POTEC: variants seen among roughly 807,000 people sequenced by gnomAD.
POTEC encodes ANKRD26-like family B member 2.
A neutral mutation model predicts 62.0 loss-of-function variants in POTEC; 35 were observed. That is an observed-to-expected ratio of 0.56 (90% CI 0.43 to 0.75). The LOEUF is 0.75. POTEC is among the 30% of genes least tolerant of loss of function. POTEC has a pLI of 0.00. For synonymous variants in POTEC, 156 were observed against 221.5 expected (o/e 0.70, Z 2.62); for missense variants, 472 against 655.9 (o/e 0.72, Z 3.06).
At chr18:14,542,524 C>T in intron 1 of POTEC, 102 bp downstream of exon 1, 1 of 1,559,848 alleles carries the variant, frequency 6.4e-7, no homozygotes, top group Non-Finnish European at 8.7e-7. Flanking sequence ...GGTGTGGGGC[C>T]TGCGGAGGAA....
At chr18:14,541,952 G>A (rs1336695647) in intron 1 of POTEC, among the ~76,000 whole-genome samples, 3 of 152,214 alleles carry the variant, frequency 2.0e-5, no homozygotes, top group African/African-American at 7.2e-5. Context: ...AATAACACAT[G>A]CACATTTTGA....
chr18:14,538,302 T>C (rs1400207141), intron 1 of POTEC, 53 bp from the exon 2 acceptor site: 16 of 1,532,834 alleles, frequency 1.0e-5, no homozygotes, highest in Non-Finnish European at 1.4e-5. Context: ...TAATGCCACA[T>C]TAATGATTCA....
At chr18:14,526,281 C>T (rs1029628314) in intron 6 of POTEC, among the ~76,000 whole-genome samples, 1 of 152,080 alleles carries the variant, frequency 6.6e-6, no homozygotes, top group Admixed American at 6.6e-5. Flanking sequence ...TAACTCCTTC[C>T]TTGAGGTAGC....
rs1247641377 is a variant in POTEC at position 14,522,275 on chromosome 18, G to A, written c.1388C>T (p.Thr463Ile). The A allele has an allele frequency of 6.3e-7, 1 of 1,576,958 alleles. No individual in the cohort carries two copies. The highest frequency in any genetic ancestry group is 1.4e-5 in the African/African-American group (1 of 72,488). The change falls in exon 9 of 11, where the codon ACT becomes ATT. Residue 463 changes from threonine to isoleucine, a missense_variant. Transcript: ENST00000358970. Reference protein sequence around the residue: ...RKPENQQFPDTENEEYHSDEQ... With the variant: ...RKPENQQFPDIENEEYHSDEQ... ...TTACCTGTGATACTCTTCATTCTCA[G>A]TGTCAGGAAATTGCTGATTTTCAGG...
In POTEC at chr18:14,532,939, A is replaced by G; in HGVS notation, c.1055+122T>C. 5 of 1,586,436 alleles carry G rather than the reference A, an allele frequency of 3.2e-6. 1 individual carries two copies. Among genetic ancestry groups the G allele is most frequent in the Non-Finnish European group, 2.6e-6 (3 of 1,165,646 alleles). On this transcript the variant is annotated intron_variant, in intron 5 of 10. Coordinates refer to ENST00000358970, the MANE Select transcript of POTEC (RefSeq NM_001137671.2). The stretch of plus-strand genomic sequence containing the variant: ...TCTGGCTGATGCAGGGGACTAACTC[A>G]CTGCCAATCTAAAACTACCTGAACC...
chr18:14,517,395 G>A (rs897895396), intron 9 of POTEC, among the ~76,000 whole-genome samples: 3 of 152,094 alleles, frequency 2.0e-5, no homozygotes, highest in Admixed American at 6.6e-5. Context: ...ATACAGCCAC[G>A]CAGCAGTACC....
chr18:14,513,608 T>C (rs1910071140), intron 10 of POTEC, 54 bp downstream of exon 10: 2 of 1,542,802 alleles, frequency 1.3e-6, no homozygotes, highest in Non-Finnish European at 1.7e-6. Flanking sequence ...AAAATAAAGC[T>C]TTTTAAAAAT....
In POTEC at chr18:14,543,183, A is replaced by G. The variant is rs760040357; in HGVS notation, c.-37T>C. ...AGCCCGGGGAGGCCGGTAGTAGCGA[A>G]CAGATCGCGTCTACCAACCAGTTTC... On this transcript the variant is annotated 5_prime_UTR_variant, in exon 1 of 11. Transcript: ENST00000358970. The G allele has an allele frequency of 1.2e-6, 2 of 1,613,084 alleles. No individual in the cohort carries two copies. Among genetic ancestry groups the G allele is most frequent in the Non-Finnish European group, 1.7e-6 (2 of 1,179,454 alleles).
chr18:14,507,723 T>C lies in POTEC; in HGVS notation c.*4175A>G, dbSNP rs1456846771. ...TTTTGTAGTGGCTGGTGGTGGTCTT[T>C]TCTTTCCATATTTAGTGCTTCCTTC... On this transcript the variant is annotated 3_prime_UTR_variant, in exon 11 of 11. Transcript: ENST00000358970. 2 of 152,318 alleles carry C rather than the reference T, an allele frequency of 1.3e-5. No individual in the cohort carries two copies. The highest frequency in any genetic ancestry group is 6.8e-3 in the Middle Eastern group (2 of 294). 9.4% of individuals were successfully genotyped at this position (152,318 alleles called of 1,614,324 possible).
At chr18:14,517,586 G>A (rs1450755688) in intron 9 of POTEC, among the ~76,000 whole-genome samples, 2 of 151,798 alleles carry the variant, frequency 1.3e-5, no homozygotes, top group African/African-American at 4.8e-5. Flanking sequence ...TAGTGGCCAG[G>A]CGCAGTGGCT....
At chr18:14,513,534 T>TAG (rs375774843) in intron 10 of POTEC, 128 bp downstream of exon 10, 1 of 1,260,500 alleles carries the variant, frequency 7.9e-7, no homozygotes, top group African/African-American at 2.0e-5. Context: ...TGTTTACATA[T>TAG]ATACACACAC....
intron 1 of POTEC, among the ~76,000 whole-genome samples, chr18:14,539,705 C>A (rs9635842): frequency 0.19 from 28,151 of 149,314 alleles, 3,130 homozygotes; most frequent in East Asian, 0.48. Context: ...AAGCCTTATA[C>A]ATTTTCAAAA....
chr18:14,527,207 TTTAAG>T lies in POTEC; in HGVS notation c.1127-2229_1127-2225del, dbSNP rs1910459064. Among the ~76,000 whole-genome samples the T allele has an allele frequency of 2.0e-5, 3 of 152,120 alleles. No individual in the cohort carries two copies. In the South Asian group the frequency reaches 6.2e-4, roughly 32 times the overall value. ...TATAATCCTAGTACTCGCTCTCAAG[TTTAAG>T]TTAAATGCTAGCCTATACAAAAAAC... On this transcript the variant is annotated intron_variant, in intron 6 of 10. Coordinates refer to ENST00000358970, the MANE Select transcript of POTEC (RefSeq NM_001137671.2).
chr18:14,512,039 A>G (rs1910022263), intron 10 of POTEC, 46 bp from the exon 11 acceptor site: 4 of 1,388,106 alleles, frequency 2.9e-6, no homozygotes, highest in South Asian at 1.2e-5. Flanking sequence ...ATAGAATGAC[A>G]TATCATGATT....
rs1474834610 is a variant in POTEC, at chr18:14,524,923, C to G, written c.1187G>C (p.Ser396Thr). The change falls in exon 7 of 11, where the codon AGC (serine) becomes ACC (threonine). Residue 396 changes from serine to threonine, a missense_variant. Ser to Thr is a moderately conservative substitution (Grantham distance 58). This residue lies in a region of POTEC where 83 missense variants were observed against 254.3 expected (regional missense o/e 0.33). Coordinates refer to ENST00000358970, the MANE Select transcript of POTEC (RefSeq NM_001137671.2). ...ESQRLKVSEN[S>T]QPEKMSQEPE... ...TAAAATTTTCCATGCCTCTGGCTGG[C>G]TATTTTCACTGACTTTAAGCCTTTG... 1.2e-6 allele frequency: 2 copies of G among 1,605,254 alleles called. No individual in the cohort carries two copies. Among genetic ancestry groups the G allele is most frequent in the African/African-American group, 2.7e-5 (2 of 74,310 alleles).
intron 9 of POTEC, among the ~76,000 whole-genome samples, chr18:14,515,571 A>G (rs1910124392): frequency 6.6e-6 from 1 of 152,118 alleles, no homozygotes; most frequent in Admixed American, 6.5e-5. Flanking sequence ...GCCTAAACCT[A>G]AGACCTGAAG....
intron 1 of POTEC, among the ~76,000 whole-genome samples, chr18:14,539,426 C>T (rs1905858900): frequency 7.0e-6 from 1 of 142,308 alleles, no homozygotes; most frequent in Non-Finnish European, 1.5e-5. Context: ...TTTCCTTCCT[C>T]CCACCCTCCA....
chr18:14,518,424 C>A (rs551929514), intron 9 of POTEC, among the ~76,000 whole-genome samples: 1 of 152,030 alleles, frequency 6.6e-6, no homozygotes, highest in African/African-American at 2.4e-5. Flanking sequence ...TACAAAAAAC[C>A]TTTTATTTGT....
At chr18:14,524,110 C>T (rs1020860203) in intron 7 of POTEC, among the ~76,000 whole-genome samples, 11 of 152,204 alleles carry the variant, frequency 7.2e-5, no homozygotes, top group African/African-American at 2.6e-4. Flanking sequence ...AGATGATCTG[C>T]TTAAGTCCAG....
Sources: gnomAD v4.1 joint callset for allele counts (sites outside exome capture counted in the v4.1 genomes callset) on GRCh38, gnomAD v4.1.1 for gene constraint, gnomAD v4.1.1 regional missense constraint, MANE v1.5 for transcripts, NCBI Gene and HGNC (gene_info 2026-07-23, HGNC 2026-07-21) for gene names.